The following TMEM114 variants were observed in gnomAD, a reference collection of about 807,000 sequenced individuals.
TMEM114 encodes the protein claudin-26.
In TMEM114, 6 loss-of-function variants were observed where a neutral mutation model predicts 6.2. That is an observed-to-expected ratio of 0.97 (90% CI 0.53 to 1.91). The LOEUF is 1.91. TMEM114 is among the 40% of genes most tolerant of loss of function. The pLI, the probability that TMEM114 is intolerant of heterozygous loss-of-function variation, is 0.01. For synonymous variants in TMEM114, 104 were observed against 73.0 expected, an observed-to-expected ratio of 1.42 and a Z score of -2.16; for missense variants, 218 against 158.3, an observed-to-expected ratio of 1.38 and a Z score of -2.02.
rs564851397 is a variant in TMEM114 at position 8,544,899 on chromosome 16, T to C, written n.213-7073A>G. On this transcript the variant is annotated intron_variant and non_coding_transcript_variant, in intron 2 of 2. Coordinates refer to the TMEM114 transcript ENST00000623677. ...ATATGAATGTGTCTATTCCAAGTGG[T>C]TACTCTTCTCCTCAACATCTTTCTC... Among the ~76,000 whole-genome samples, 5 of 151,466 alleles carry C rather than the reference T, an allele frequency of 3.3e-5. No individual in the cohort carries two copies. In the South Asian group the frequency reaches 1.0e-3, roughly 32 times the overall value.
intron 2 of TMEM114, among the ~76,000 whole-genome samples, chr16:8,554,025 T>C (rs1024465871): frequency 6.6e-6 from 1 of 152,056 alleles, no homozygotes; most frequent in African/African-American, 2.4e-5. Context: ...ATTACAGGCA[T>C]GCGCCACCAC....
the TMEM114 span, among the ~76,000 whole-genome samples, chr16:8,530,900 A>C: frequency 2.6e-5 from 4 of 152,034 alleles, no homozygotes; most frequent in Admixed American, 1.3e-4. Context: ...TGGCATACGC[A>C]TATAATCCCA....
chr16:8,532,541 C>A, the TMEM114 span, among the ~76,000 whole-genome samples: 1 of 152,168 alleles, frequency 6.6e-6, no homozygotes, highest in Non-Finnish European at 1.5e-5. Context: ...AAATTACATT[C>A]TAGGGGTCCA....
chr16:8,528,248 A>C, the TMEM114 span, among the ~76,000 whole-genome samples: 1 of 150,956 alleles, frequency 6.6e-6, no homozygotes, highest in East Asian at 1.9e-4. Flanking sequence ...CAAAATGCGC[A>C]CACACACACA....
At chr16:8,564,215 G>T (rs910210513) in intron 2 of TMEM114, among the ~76,000 whole-genome samples, 10 of 133,738 alleles carry the variant, frequency 7.5e-5, no homozygotes, top group African/African-American at 2.9e-4. Context: ...GTGAATGAGT[G>T]AGTTAGTGAA....
In TMEM114 at chr16:8,580,253, A is replaced by G. The variant is rs189268151; in HGVS notation, c.302-8029T>C. Among the ~76,000 whole-genome samples, 554 of 152,274 alleles carry G rather than the reference A, an allele frequency of 3.6e-3. 3 individuals are homozygous for G. Among genetic ancestry groups the G allele is most frequent in the African/African-American group, 0.013 (530 of 41,566 alleles). ...TGTAATCCCAGCACTTAGGGAGGCCAAGGCAGGCAGATCACTCGAGGCCAG... is the reference window on the plus strand; with the variant it reads ...TGTAATCCCAGCACTTAGGGAGGCCGAGGCAGGCAGATCACTCGAGGCCAG... On this transcript the variant is annotated intron_variant, in intron 2 of 3. Transcript: ENST00000620492.
In TMEM114 at chr16:8,572,095, A is replaced by G. The variant is rs559656286; in HGVS notation, c.431T>C (p.Leu144Pro). 76 of 1,548,198 alleles carry G rather than the reference A, an allele frequency of 4.9e-5. 1 individual carries two copies. In the African/African-American group the frequency reaches 9.2e-4, roughly 19 times the overall value. ...GCAGGGTGGGCACCTACCTCCAAAGAGGAAGAGAATTCCAGTGAGCAGGAG... is the reference window on the plus strand; with the variant it reads ...GCAGGGTGGGCACCTACCTCCAAAGGGGAAGAGAATTCCAGTGAGCAGGAG... ...LLLLLTGILF[L>P]FGAMVTLAGI... Residue 144 changes from leucine to proline, a missense_variant, in exon 3 of 4, where the codon CTC (leucine) becomes CCC (proline). By Grantham distance (98) the Leu-to-Pro change is moderately conservative. Transcript: ENST00000620492.
chr16:8,546,421 A>T (rs1163329334), intron 2 of TMEM114, among the ~76,000 whole-genome samples: 1 of 152,130 alleles, frequency 6.6e-6, no homozygotes, highest in Non-Finnish European at 1.5e-5. Flanking sequence ...CAGTAGCCAG[A>T]CTCTATATAA....
intron 2 of TMEM114, among the ~76,000 whole-genome samples, chr16:8,557,040 C>T (rs10431954): frequency 0.017 from 2,605 of 152,134 alleles, 122 homozygotes; most frequent in East Asian, 0.14. Flanking sequence ...ATCGGTGAGG[C>T]TTGAGGAAAC....
intron 2 of TMEM114, among the ~76,000 whole-genome samples, chr16:8,545,705 G>C (rs945324824): frequency 1.3e-5 from 2 of 152,158 alleles, no homozygotes; most frequent in African/African-American, 4.8e-5. Flanking sequence ...ACCACACTTT[G>C]AGAATCAGTG....
chr16:8,564,174 T>G (rs1014921098), intron 2 of TMEM114, among the ~76,000 whole-genome samples: 3 of 150,852 alleles, frequency 2.0e-5, no homozygotes, highest in Non-Finnish European at 2.9e-5. Flanking sequence ...AGTGAGTAAA[T>G]GAGTGAGTGA....
At chr16:8,563,326 T>TGAGTGAGTGAATGAGG (rs1901354227) in intron 2 of TMEM114, among the ~76,000 whole-genome samples, 1 of 53,818 alleles carries the variant, frequency 1.9e-5, no homozygotes. Flanking sequence ...AGGGAGGGTA[T>TGAGTGAGTGAATGAGG]GAGTGAGTGA....
At chr16:8,544,507 T>A (rs111502935) in intron 2 of TMEM114, among the ~76,000 whole-genome samples, 1 of 152,206 alleles carries the variant, frequency 6.6e-6, no homozygotes, top group African/African-American at 2.4e-5. Flanking sequence ...GAACGTCAAG[T>A]GACTTGATAT....
intron 2 of TMEM114, among the ~76,000 whole-genome samples, chr16:8,543,705 C>G (rs190481430): frequency 7.4e-4 from 113 of 152,314 alleles, no homozygotes; most frequent in African/African-American, 2.5e-3. Context: ...CTGTATCACC[C>G]TATATTGCAT....
At chr16:8,581,219 A>G (rs1026558882) in intron 2 of TMEM114, among the ~76,000 whole-genome samples, 7 of 152,214 alleles carry the variant, frequency 4.6e-5, no homozygotes, top group African/African-American at 9.7e-5. Flanking sequence ...TGCTTTCTTC[A>G]TTCCACAGTA....
At chr16:8,561,893 T>A (rs1264100768) in intron 2 of TMEM114, among the ~76,000 whole-genome samples, 1 of 150,056 alleles carries the variant, frequency 6.7e-6, no homozygotes, top group Admixed American at 6.7e-5. Flanking sequence ...AGTGAGTGAA[T>A]GAGTAAATGA....
At chr16:8,537,566 A>T (rs563626892), downstream of TMEM114, 2 of 152,210 alleles carry the variant, frequency 1.3e-5, no homozygotes. Flanking sequence ...TGCCACCAGG[A>T]TATAACTGAT....
intron 2 of TMEM114, among the ~76,000 whole-genome samples, chr16:8,555,111 C>A (rs916421874): frequency 2.6e-5 from 4 of 152,180 alleles, no homozygotes; most frequent in Admixed American, 2.0e-4. Flanking sequence ...CTGGTTTTGC[C>A]CATGTGAGTT....
chr16:8,530,787 GCCGAGT>G, the TMEM114 span, among the ~76,000 whole-genome samples: 1 of 152,116 alleles, frequency 6.6e-6, no homozygotes, highest in Admixed American at 6.6e-5. Flanking sequence ...ACTTTGGGAG[GCCGAGT>G]CAGATGAATT....
Sources: allele counts gnomAD v4.1 joint callset (sites outside exome capture counted in the v4.1 genomes callset), GRCh38; gene constraint gnomAD v4.1.1; transcripts MANE v1.5; gene names NCBI Gene and HGNC (gene_info 2026-07-23, HGNC 2026-07-21).